Variants in CENPP observed in about 807,000 individuals in gnomAD.
The protein encoded by CENPP is centromere protein P.
In CENPP, 24 loss-of-function variants were observed where a neutral mutation model predicts 35.6. That is an observed-to-expected ratio of 0.67 (90% CI 0.49 to 0.95). The LOEUF (loss-of-function observed/expected upper bound fraction) is 0.95, where lower values mean the gene tolerates loss of function less well. Among genes scored for constraint, CENPP ranks in the 40% least tolerant of loss-of-function variants. CENPP has a pLI of 0.00. For synonymous variants in CENPP, 120 were observed against 125.5 expected, an observed-to-expected ratio of 0.96 and a Z score of 0.29; for missense variants, 332 against 345.3, an observed-to-expected ratio of 0.96 and a Z score of 0.31.
At chr9:92,545,513 G>A (rs551771581) in intron 5 of CENPP, among the ~76,000 whole-genome samples, 1 of 146,992 alleles carries the variant, frequency 6.8e-6, no homozygotes, top group East Asian at 2.1e-4. Flanking sequence ...CCTGCAGCCC[G>A]CCAAGACTGA....
intron 4 of CENPP, among the ~76,000 whole-genome samples, chr9:92,353,504 A>G (rs1012503414): frequency 5.3e-5 from 8 of 152,204 alleles, no homozygotes; most frequent in African/African-American, 1.7e-4. Flanking sequence ...CTGCTATTCC[A>G]TGCATATTCT....
chr9:92,570,158 A>C (rs1276580943), intron 5 of CENPP, among the ~76,000 whole-genome samples: 1 of 152,124 alleles, frequency 6.6e-6, no homozygotes, highest in Non-Finnish European at 1.5e-5. Context: ...GTCTTGTGCC[A>C]GTTTTCAAAG....
intron 5 of CENPP, chr9:92,515,110 T>G: frequency 6.2e-7 from 1 of 1,614,000 alleles, no homozygotes; most frequent in Non-Finnish European, 8.5e-7. Context: ...CAGTTGCTTA[T>G]GAAGTAAATT....
At chr9:92,419,018 G>T (rs538969660) in intron 5 of CENPP, among the ~76,000 whole-genome samples, 60 of 152,080 alleles carry the variant, frequency 3.9e-4, no homozygotes, top group Admixed American at 1.1e-3. Context: ...TTGTCTCCCA[G>T]GTGTTTAAAG....
intron 4 of CENPP, among the ~76,000 whole-genome samples, chr9:92,373,907 T>C (rs989493631): frequency 1.3e-5 from 2 of 152,284 alleles, no homozygotes; most frequent in Middle Eastern, 3.4e-3. Flanking sequence ...TAAATAATTA[T>C]TGGGTTTCTT....
At chr9:92,385,923 G>A in intron 5 of CENPP, 1 of 793,894 alleles carries the variant, frequency 1.3e-6, no homozygotes, top group Non-Finnish European at 2.0e-6. Flanking sequence ...AAATTAATTA[G>A]GAAATACTCA....
At chr9:92,417,579 T>C in intron 5 of CENPP, 1 of 1,447,082 alleles carries the variant, frequency 6.9e-7, no homozygotes, top group Admixed American at 2.2e-5. Context: ...TTTTTCCTAT[T>C]GCAAGGAGAA....
chr9:92,414,175 C>T, intron 5 of CENPP: 1 of 174,566 alleles, frequency 5.7e-6, no homozygotes. Flanking sequence ...ATGTTAAAAC[C>T]TGTCATTCAA....
intron 5 of CENPP, chr9:92,495,175 A>G: frequency 4.0e-6 from 1 of 252,210 alleles, no homozygotes; most frequent in Non-Finnish European, 6.3e-6. Flanking sequence ...AGCTTAAAAA[A>G]TTAGAGAAAC....
chr9:92,392,905 T>G (rs1312496307), intron 5 of CENPP, among the ~76,000 whole-genome samples: 2 of 151,894 alleles, frequency 1.3e-5, no homozygotes, highest in African/African-American at 4.8e-5. Context: ...TCACAGGATC[T>G]GTCTAAGTGG....
chr9:92,597,293 G>A (rs1850807354), intron 5 of CENPP, among the ~76,000 whole-genome samples: 1 of 152,304 alleles, frequency 6.6e-6, no homozygotes, highest in South Asian at 2.1e-4. Flanking sequence ...GGGCCTGCAA[G>A]AATGAAGGGC....
At chr9:92,349,957 ATG>A (rs1841402649) in intron 4 of CENPP, among the ~76,000 whole-genome samples, 1 of 152,192 alleles carries the variant, frequency 6.6e-6, no homozygotes, top group Non-Finnish European at 1.5e-5. Context: ...GTATAAGAGT[ATG>A]TTTAAATTTA....
chr9:92,565,910 T>A (rs1055018587), intron 5 of CENPP, among the ~76,000 whole-genome samples: 1 of 152,004 alleles, frequency 6.6e-6, no homozygotes, highest in Non-Finnish European at 1.5e-5. Context: ...ATAATAATAA[T>A]AAAAACAGCA....
At chr9:92,337,820 G>A (rs1201346661) in intron 3 of CENPP, among the ~76,000 whole-genome samples, 191 bp downstream of exon 3, 1 of 152,188 alleles carries the variant, frequency 6.6e-6, no homozygotes, top group East Asian at 1.9e-4. Context: ...AACTGCATAT[G>A]GTAGGGTTGT....
chr9:92,605,823 CTT>C (rs1197578143), intron 5 of CENPP, among the ~76,000 whole-genome samples: 5 of 152,152 alleles, frequency 3.3e-5, no homozygotes, highest in African/African-American at 9.7e-5. Flanking sequence ...AAATGAAAAA[CTT>C]TGTACTTCAA....
intron 5 of CENPP, among the ~76,000 whole-genome samples, chr9:92,513,889 A>C (rs1345992448): frequency 6.6e-6 from 1 of 152,234 alleles, no homozygotes; most frequent in Non-Finnish European, 1.5e-5. Context: ...TATACTAAAA[A>C]TAAGTTTTAC....
At position 92,417,029 on chromosome 9, in the gene CENPP, A is replaced by G. The variant is rs972078422; in HGVS notation, c.564+37170A>G. Reference sequence around the variant, plus strand: ...TAGCCCATCCATAGCATTTGTCTGCAGTTTGGAGATTTCATTGTAACCAAG... The same window carrying G: ...TAGCCCATCCATAGCATTTGTCTGCGGTTTGGAGATTTCATTGTAACCAAG... On this transcript the variant is annotated intron_variant, in intron 5 of 7. Coordinates refer to ENST00000375587, the MANE Select transcript of CENPP (RefSeq NM_001012267.3). 8 of 1,614,088 alleles carry G rather than the reference A, an allele frequency of 5.0e-6. No individual in the cohort carries two copies. In the East Asian group the frequency reaches 1.8e-4, roughly 36 times the overall value.
chr9:92,411,208 G>A (rs1843436090), intron 5 of CENPP, among the ~76,000 whole-genome samples: 2 of 152,086 alleles, frequency 1.3e-5, no homozygotes, highest in South Asian at 2.1e-4. Flanking sequence ...TCCTGACCTC[G>A]TGATCTGCCC....
chr9:92,457,529 A>C, intron 5 of CENPP: 1 of 1,394,222 alleles, frequency 7.2e-7, no homozygotes, highest in Non-Finnish European at 1.0e-6. Flanking sequence ...TACCCAGTAA[A>C]TGTAAACGGA....
Sources: gnomAD v4.1 joint callset for allele counts (sites outside exome capture counted in the v4.1 genomes callset) on GRCh38, gnomAD v4.1.1 for gene constraint, MANE v1.5 for transcripts, NCBI Gene and HGNC (gene_info 2026-07-23, HGNC 2026-07-21) for gene names.